The following MYT1 variants were observed in gnomAD, a reference collection of about 807,000 sequenced individuals.
The protein encoded by MYT1 is myelin transcription factor 1.
A neutral mutation model predicts 123.0 loss-of-function variants in MYT1; 23 were observed. That is an observed-to-expected ratio of 0.19 (90% CI 0.13 to 0.26). The LOEUF (loss-of-function observed/expected upper bound fraction) is 0.26, where lower values mean the gene tolerates loss of function less well. Among genes scored for constraint, MYT1 ranks in the 10% least tolerant of loss-of-function variants. MYT1 has a pLI of 1.00. For synonymous variants in MYT1, 518 were observed against 575.3 expected (o/e 0.90, Z 1.43); for missense variants, 1,125 against 1,472.5 (o/e 0.76, Z 3.86).
At chr20:64,239,676 G>A in intron 21 of MYT1, 84 bp from the exon 22 acceptor site, 1 of 1,579,498 alleles carries the variant, frequency 6.3e-7, no homozygotes, top group East Asian at 2.2e-5. Context: ...TTCTCCCAGA[G>A]GGTTGTGAGA....
chr20:64,199,870 C>T, intron 3 of MYT1, 22 bp from the exon 4 acceptor site: 1 of 1,613,462 alleles, frequency 6.2e-7, no homozygotes, highest in Non-Finnish European at 8.5e-7. Context: ...ACATGTTTTC[C>T]CTGTTTCTGT....
In MYT1 at chr20:64,219,882, T is replaced by C. The variant is rs1403453967; in HGVS notation, c.2141T>C (p.Met714Thr). 6.3e-7 allele frequency: 1 copy of C among 1,586,918 alleles called. No individual in the cohort carries two copies. Among genetic ancestry groups the C allele is most frequent in the East Asian group, 2.3e-5 (1 of 43,456 alleles). Residue 714 changes from methionine (M) to threonine (T), a missense_variant, in exon 13 of 23, where the codon ATG (methionine) becomes ACG (threonine). Physicochemically the swap from Met to Thr is moderately conservative, Grantham distance 81. This residue lies in a region of MYT1 where 429 missense variants were observed against 604.1 expected (regional missense o/e 0.71). Transcript: ENST00000328439. The part of the protein sequence containing the change: ...HSSTSAPSSS[M>T]TSPQSSQASR... ...AGCACCAGCGCCCCCAGCAGCTCCA[T>C]GACCTCTCCCCAGTCCAGCCAGGCC...
intron 21 of MYT1, among the ~76,000 whole-genome samples, chr20:64,238,751 T>C (rs1984627589): frequency 6.6e-6 from 1 of 152,212 alleles, no homozygotes; most frequent in Non-Finnish European, 1.5e-5. Context: ...TCAGTGTCAG[T>C]GTCGTTGGGG....
chr20:64,236,164 C>CTGGCCGTGGTGGGTGACCCTGGGA lies in MYT1; in HGVS notation c.2898-367_2898-344dup, dbSNP rs1984531524. ...GATGGTCGCGGTGGGTGACCCTGGG[C>CTGGCCGTGGTGGGTGACCCTGGGA]TGGCCGTGGTGGGTGACCCTGGGAT... On this transcript the variant is annotated intron_variant, in intron 19 of 22. Coordinates refer to ENST00000328439, the MANE Select transcript of MYT1 (RefSeq NM_004535.3). Among the ~76,000 whole-genome samples, 3 of 68,168 alleles carry CTGGCCGTGGTGGGTGACCCTGGGA rather than the reference C, an allele frequency of 4.4e-5. 1 individual carries two copies. The highest frequency in any genetic ancestry group is 2.1e-4 in the African/African-American group (3 of 14,202). 44.7% of individuals were successfully genotyped at this position (68,168 alleles called of 152,430 possible).
At chr20:64,195,723 T>G (rs1223767216) in intron 2 of MYT1, among the ~76,000 whole-genome samples, 1 of 152,124 alleles carries the variant, frequency 6.6e-6, no homozygotes, top group African/African-American at 2.4e-5. Context: ...CAAAAGAGCT[T>G]ACATGATTAA....
chr20:64,178,309 G>A (rs1465605872), intron 1 of MYT1, among the ~76,000 whole-genome samples: 9 of 151,834 alleles, frequency 5.9e-5, no homozygotes, highest in Admixed American at 2.0e-4. Flanking sequence ...CAGAGAGGCC[G>A]CTCTCCCACT....
chr20:64,181,786 G>C (rs1982658517), intron 1 of MYT1, among the ~76,000 whole-genome samples: 1 of 152,196 alleles, frequency 6.6e-6, no homozygotes, highest in African/African-American at 2.4e-5. Context: ...ACTGCGGTGG[G>C]GACCTCGCTT....
Position 64,190,977 on chromosome 20 carries a change from A to T in MYT1, c.-1+817A>T, listed in dbSNP as rs1318860335. On this transcript the variant is annotated intron_variant, in intron 2 of 22. Transcript: ENST00000328439. This position sits in a 1 kb window ranked among gnomAD's most constrained non-coding sequence, Gnocchi z 4.1. ...GAGCAAGACTCCATCTCAGAAAACA[A>T]GCAAGCAAGCAAACAAAAAAAACCC... 6.6e-6 allele frequency among the ~76,000 whole-genome samples: 1 copy of T among 152,204 alleles called. No homozygotes were observed. Among genetic ancestry groups the T allele is most frequent in the Non-Finnish European group, 1.5e-5 (1 of 68,030 alleles).
chr20:64,239,917 G>A lies in MYT1; in HGVS notation c.3237+14G>A, dbSNP rs530507944. ...CTTCCGCACATGGTAGGCAGCACGC[G>A]GGCCTGCCGGCACCACAGCTACCCC... is the stretch of plus-strand genomic sequence containing the variant. On this transcript the variant is annotated intron_variant, in intron 22 of 22. Coordinates refer to ENST00000328439, the MANE Select transcript of MYT1 (RefSeq NM_004535.3). 86 of 1,609,728 alleles carry A rather than the reference G, an allele frequency of 5.3e-5. No individual in the cohort carries two copies. The South Asian group carries it at 7.4e-4, about 14-fold the overall frequency.
At chr20:64,214,245 G>A (rs6010737) in intron 10 of MYT1, among the ~76,000 whole-genome samples, 20,353 of 152,050 alleles carry the variant, frequency 0.13, 1,665 homozygotes, top group African/African-American at 0.23. Flanking sequence ...TCACACGCCT[G>A]TTTGTGTTTG....
At chr20:64,199,275 G>A (rs1983218920) in intron 3 of MYT1, among the ~76,000 whole-genome samples, 2 of 152,220 alleles carry the variant, frequency 1.3e-5, no homozygotes, top group Admixed American at 1.3e-4. Context: ...TGCTAATGGG[G>A]CATAGGAGGT....
Position 64,207,610 on chromosome 20 carries a change from G to C in MYT1, c.414G>C (p.Lys138Asn). 1 of 1,613,360 alleles carries C rather than the reference G, an allele frequency of 6.2e-7. No individual in the cohort carries two copies. Among genetic ancestry groups the C allele is most frequent in the Non-Finnish European group, 8.5e-7 (1 of 1,179,706 alleles). ...TTTGTGCAGGAAGGAGCCCCGTCAA[G>C]TCCCATTTTGGATCCAACCCCATCG... ...PETAEGRSPV[K>N]SHFGSNPIGS... The change falls in exon 7 of 23, where the codon AAG becomes AAC. Residue 138 changes from lysine to asparagine, a missense_variant. Around this residue, in one of 4 missense-constraint regions of MYT1, gnomAD observed 406 missense variants for 432.2 expected, o/e 0.94. Transcript: ENST00000328439.
At chr20:64,237,463 G>T in intron 21 of MYT1, 73 bp downstream of exon 21, 2 of 1,157,332 alleles carry the variant, frequency 1.7e-6, no homozygotes, top group Non-Finnish European at 2.5e-6. Flanking sequence ...GGACAGTGAG[G>T]CATCCGTCGG....
At chr20:64,210,651 A>G (rs558817340) in intron 7 of MYT1, among the ~76,000 whole-genome samples, 1 of 152,318 alleles carries the variant, frequency 6.6e-6, no homozygotes, top group African/African-American at 2.4e-5. Context: ...CTCTGCTCTG[A>G]GGGTCCTCCG....
chr20:64,224,087 T>G (rs957738090), intron 16 of MYT1, among the ~76,000 whole-genome samples: 63 of 152,164 alleles, frequency 4.1e-4, no homozygotes, highest in South Asian at 8.3e-4. Flanking sequence ...GCCTTTGGTT[T>G]TCATGCCTCC....
rs753539968 is a variant in MYT1, at chr20:64,232,281, C to T, written c.2793C>T (p.Gly931=). ...GGCAGAAGGAAGGGTCCCTCAATGG[C>T]TCGTCATTCTCCTGGAAGTCCCTGA... ...ARRQKEGSLN[G]SSFSWKSLKN... Residue 931 remains glycine, a synonymous_variant, in exon 19 of 23, where the codon GGC becomes GGT. Transcript: ENST00000328439. The surrounding 1 kb of genome is among the most constrained non-coding windows in gnomAD (Gnocchi z 6.9). The T allele has an allele frequency of 3.1e-6, 5 of 1,613,112 alleles. No individual in the cohort carries two copies. The Admixed American group carries it at 6.7e-5, about 21-fold the overall frequency.
intron 13 of MYT1, 60 bp downstream of exon 13, chr20:64,220,042 G>T: frequency 7.0e-7 from 1 of 1,424,144 alleles, no homozygotes; most frequent in South Asian, 1.6e-5. Context: ...CCTGCCTGAG[G>T]CTGTTGTGAT....
rs149139073 is a variant in MYT1, at chr20:64,207,056, G to A, written c.398-538G>A. 7.3e-3 allele frequency among the ~76,000 whole-genome samples: 1,105 copies of A among 152,264 alleles called. 16 individuals are homozygous for A. Among genetic ancestry groups the A allele is most frequent in the African/African-American group, 0.025 (1,057 of 41,552 alleles). On this transcript the variant is annotated intron_variant, in intron 6 of 22. Transcript: ENST00000328439. ...GCACCACCACGCCCAGCTCATTTTT[G>A]TATTTTTAGTAGAGACAGGGTTTCG... is the stretch of plus-strand genomic sequence containing the variant.
At position 64,186,371 on chromosome 20, in the gene MYT1, A is replaced by G. The variant is rs1176448599; in HGVS notation, c.-98-3692A>G. Among the ~76,000 whole-genome samples the G allele has an allele frequency of 6.6e-6, 1 of 152,194 alleles. No homozygotes were observed. Among genetic ancestry groups the G allele is most frequent in the Admixed American group, 6.5e-5 (1 of 15,282 alleles). On this transcript the variant is annotated intron_variant, in intron 1 of 22. Coordinates refer to ENST00000328439, the MANE Select transcript of MYT1 (RefSeq NM_004535.3). The surrounding 1 kb of genome is among the most constrained non-coding windows in gnomAD (Gnocchi z 4.3). Reference sequence around the variant, plus strand: ...CTCTGATGTTCCGTTTCCCATTCGCATCCACGAGCAGGGATTCAGATTAAC... The same window carrying G: ...CTCTGATGTTCCGTTTCCCATTCGCGTCCACGAGCAGGGATTCAGATTAAC...
Sources: gnomAD v4.1 joint callset for allele counts (sites outside exome capture counted in the v4.1 genomes callset) on GRCh38, gnomAD v4.1.1 for gene constraint, gnomAD v4.1.1 regional missense constraint, Gnocchi (gnomAD v3.1) non-coding constraint, MANE v1.5 for transcripts, NCBI Gene and HGNC (gene_info 2026-07-23, HGNC 2026-07-21) for gene names.